Variants in PAK2 observed in about 807,000 individuals in gnomAD.
The protein encoded by PAK2 is p21 (RAC1) activated kinase 2, also known as serine/threonine-protein kinase PAK 2.
PAK2 carries 21 observed loss-of-function variants against 65.9 expected under a neutral mutation model. That is an observed-to-expected ratio of 0.32 (90% CI 0.23 to 0.46). PAK2 has a LOEUF of 0.46. PAK2 is among the 20% of genes least tolerant of loss of function. The probability of loss-of-function intolerance (pLI) is 1.00; values close to 1 mark genes in which losing one functional copy is unlikely to be tolerated. For synonymous variants in PAK2, 204 were observed against 219.7 expected, an observed-to-expected ratio of 0.93 and a Z score of 0.63; for missense variants, 324 against 642.6, an observed-to-expected ratio of 0.50 and a Z score of 5.36.
chr3:196,782,585 A>C lies in PAK2; in HGVS notation c.-21-41A>C, dbSNP rs1040420595. On this transcript the variant is annotated intron_variant, in intron 1 of 14. Transcript: ENST00000327134. The stretch of plus-strand genomic sequence containing the variant: ...TTACTGTTTTTTGCTTGTTCGTGCT[A>C]TTTTTTACTTTGTTACTAATTGTAT... The C allele has an allele frequency of 5.1e-6, 5 of 982,654 alleles. No homozygotes were observed. In the South Asian group the frequency reaches 6.5e-5, roughly 13 times the overall value. 60.9% of individuals were successfully genotyped at this position (982,654 alleles called of 1,614,324 possible). A position where few individuals can be genotyped will look rare whatever the true frequency, so the allele number is the denominator to read the frequency against.
At chr3:196,774,668 G>A (rs917057882) in intron 1 of PAK2, among the ~76,000 whole-genome samples, 1 of 152,246 alleles carries the variant, frequency 6.6e-6, no homozygotes, top group Non-Finnish European at 1.5e-5. Context: ...GCAGTTCAGA[G>A]TTCAGTGGCC....
chr3:196,773,576 AT>A (rs1328233378), intron 1 of PAK2, among the ~76,000 whole-genome samples: 3 of 152,096 alleles, frequency 2.0e-5, no homozygotes, highest in African/African-American at 7.2e-5. Context: ...GTGCTGTTTG[AT>A]TAAGAAAACA....
intron 2 of PAK2, among the ~76,000 whole-genome samples, chr3:196,790,112 A>G (rs1715022400): frequency 6.6e-6 from 1 of 152,216 alleles, no homozygotes; most frequent in African/African-American, 2.4e-5. Flanking sequence ...ATTACACATC[A>G]AAAGAACAAA....
rs1712127731 is a variant in PAK2 at position 196,832,604 on chromosome 3, A to G, written c.*4199A>G. The G allele has an allele frequency of 6.6e-6, 1 of 152,144 alleles. No homozygotes were observed. Among genetic ancestry groups the G allele is most frequent in the Admixed American group, 6.6e-5 (1 of 15,260 alleles). 9.4% of individuals were successfully genotyped at this position (152,144 alleles called of 1,614,324 possible). On this transcript the variant is annotated 3_prime_UTR_variant, in exon 15 of 15. Transcript: ENST00000327134. The stretch of plus-strand genomic sequence containing the variant: ...TTTAAATGTCTTAATAGGTTTTCAA[A>G]GAACATTTAGTATTTTTAGTGATAA...
In PAK2 at chr3:196,817,964, A is replaced by T. The variant is rs115676709; in HGVS notation, c.1054-93A>T. 4 of 546,852 alleles carry T rather than the reference A, an allele frequency of 7.3e-6. No homozygotes were observed. The African/African-American group carries it at 7.7e-5, about 10-fold the overall frequency. The allele number at this position is 546,852 out of a possible 1,614,324, so 33.9% of individuals were successfully genotyped here. On this transcript the variant is annotated intron_variant, in intron 11 of 14. Transcript: ENST00000327134. ...AGTATTGGAGGGTCTTCTGCTGGGC[A>T]CTGGAAGCAATGCTCAGGCCATAGC...
At chr3:196,759,387 G>C (rs1185212275) in intron 1 of PAK2, among the ~76,000 whole-genome samples, 2 of 150,522 alleles carry the variant, frequency 1.3e-5, no homozygotes, top group East Asian at 3.9e-4. Context: ...ATCTATGTTT[G>C]GCCCAATTGG....
intron 1 of PAK2, among the ~76,000 whole-genome samples, chr3:196,755,913 G>A (rs1425565749): frequency 6.6e-6 from 1 of 152,114 alleles, no homozygotes; most frequent in African/African-American, 2.4e-5. Flanking sequence ...GCACCACCAT[G>A]CCTGGCTAAT....
In PAK2 at chr3:196,812,804, G is replaced by C. The variant is rs753635650; in HGVS notation, c.888G>C (p.Leu296=). 6.3e-7 allele frequency: 1 copy of C among 1,579,866 alleles called. No homozygotes were observed. The highest frequency in any genetic ancestry group is 8.7e-7 in the Non-Finnish European group (1 of 1,149,544). ...AGGAACTGATCATTAACGAGATTCT[G>C]GTGATGAAAGAATTGAAAAATCCCA... ...PKKELIINEI[L]VMKELKNPNI... Residue 296 remains leucine (L), a synonymous_variant, in exon 10 of 15, where the codon CTG becomes CTC. Transcript: ENST00000327134.
chr3:196,740,588 T>G (rs943344934), intron 1 of PAK2, among the ~76,000 whole-genome samples: 1 of 152,174 alleles, frequency 6.6e-6, no homozygotes, highest in Non-Finnish European at 1.5e-5. Context: ...TTGCTCGCTC[T>G]CTGTTCACCC....
intron 1 of PAK2, chr3:196,747,329 C>A (rs1425552270): frequency 1.3e-5 from 2 of 152,148 alleles, no homozygotes; most frequent in Non-Finnish European, 2.9e-5. Flanking sequence ...AAAGCTAGTT[C>A]ATTTTAATGT....
intron 8 of PAK2, among the ~76,000 whole-genome samples, chr3:196,811,235 CT>C (rs1715788414): frequency 3.2e-5 from 1 of 31,338 alleles, no homozygotes; most frequent in Non-Finnish European, 6.7e-5. Context: ...CTTCCCTTCC[CT>C]TCCTTCCCTC....
At chr3:196,816,640 A>G (rs1029620484) in intron 11 of PAK2, among the ~76,000 whole-genome samples, 1 of 152,246 alleles carries the variant, frequency 6.6e-6, no homozygotes, top group South Asian at 2.1e-4. Context: ...GTAACACCCA[A>G]TTTATCTGTT....
chr3:196,753,910 T>G (rs1577698076), intron 1 of PAK2, among the ~76,000 whole-genome samples: 1 of 152,236 alleles, frequency 6.6e-6, no homozygotes, highest in Non-Finnish European at 1.5e-5. Flanking sequence ...AATAATACTT[T>G]TGGTGATTAC....
At position 196,803,214 on chromosome 3, in the gene PAK2, C is replaced by G. The variant is rs1449364881; in HGVS notation, c.436+50C>G. The G allele has an allele frequency of 2.1e-6, 3 of 1,421,460 alleles. No individual in the cohort carries two copies. The African/African-American group carries it at 4.4e-5, about 21-fold the overall frequency. 88.1% of individuals were successfully genotyped at this position (1,421,460 alleles called of 1,614,324 possible). On this transcript the variant is annotated intron_variant, in intron 4 of 14. Transcript: ENST00000327134. Reference sequence around the variant, plus strand: ...TCAGATGGAGATTTGTGAAGCACTTCTAGATAAAAAGATTACTCCTGGAAA... The same window carrying G: ...TCAGATGGAGATTTGTGAAGCACTTGTAGATAAAAAGATTACTCCTGGAAA...
At chr3:196,806,954 C>T (rs1025177160) in intron 6 of PAK2, among the ~76,000 whole-genome samples, 3 of 152,076 alleles carry the variant, frequency 2.0e-5, no homozygotes, top group Non-Finnish European at 4.4e-5. Flanking sequence ...CCAGAGGGTT[C>T]GTCTATTTCC....
chr3:196,746,286 C>T (rs1035052995), intron 1 of PAK2, among the ~76,000 whole-genome samples: 5 of 152,072 alleles, frequency 3.3e-5, no homozygotes, highest in African/African-American at 9.7e-5. Flanking sequence ...TATTCTGTTT[C>T]TGCTTTACAA....
At chr3:196,827,411 A>G in intron 14 of PAK2, 78 bp downstream of exon 14, 1 of 1,543,984 alleles carries the variant, frequency 6.5e-7, no homozygotes, top group Non-Finnish European at 8.7e-7. Flanking sequence ...TAGGGCTAAT[A>G]AGTAGATTTC....
chr3:196,759,728 T>C (rs1028961766), intron 1 of PAK2, among the ~76,000 whole-genome samples: 4 of 151,944 alleles, frequency 2.6e-5, no homozygotes, highest in Admixed American at 2.6e-4. Flanking sequence ...GGTTTCACCA[T>C]ACTGGCCAGG....
intron 1 of PAK2, among the ~76,000 whole-genome samples, chr3:196,751,666 T>TACA: frequency 4.8e-5 from 2 of 41,344 alleles, no homozygotes; most frequent in Admixed American, 2.6e-4. Flanking sequence ...CACAAATTTA[T>TACA]TTATATACAT....
Sources: gnomAD v4.1 joint callset for allele counts (sites outside exome capture counted in the v4.1 genomes callset) on GRCh38, gnomAD v4.1.1 for gene constraint, MANE v1.5 for transcripts, NCBI Gene and HGNC (gene_info 2026-07-23, HGNC 2026-07-21) for gene names.